SORD: variants seen among roughly 807,000 people sequenced by gnomAD.
SORD encodes (R,R)-butanediol dehydrogenase.
A neutral mutation model predicts 35.6 loss-of-function variants in SORD; 18 were observed. The observed-to-expected ratio is 0.51, with a 90% confidence interval of 0.35 to 0.75. SORD has a LOEUF of 0.75. Ranked by LOEUF, SORD falls within the 30% of genes least tolerant of loss-of-function variation. SORD has a pLI of 0.01. For synonymous variants in SORD, 106 were observed against 152.9 expected, an observed-to-expected ratio of 0.69 and a Z score of 2.26; for missense variants, 250 against 390.2, an observed-to-expected ratio of 0.64 and a Z score of 3.03.
Position 45,073,506 on chromosome 15 carries a change from T to C in SORD, c.1050T>C (p.Cys350=). 8 of 1,570,436 alleles carry C rather than the reference T, an allele frequency of 5.1e-6. No homozygotes were observed. The highest frequency in any genetic ancestry group is 1.5e-5 in the African/African-American group (1 of 66,304). Residue 350 remains cysteine (C), a synonymous_variant, in exon 9 of 9, where the codon TGT becomes TGC. Coordinates refer to ENST00000267814, the MANE Select transcript of SORD (RefSeq NM_003104.6). ...KGLGLKIMLK[C]DPSDQNP is the part of the protein sequence containing the mutation. ...TGGGGTTGAAAATCATGCTCAAGTG[T>C]GACCCCAGTGACCAGAATCCCTGAT...
chr15:45,069,082 T>G (rs577448359), intron 7 of SORD, 30 bp downstream of exon 7: 1 of 1,578,338 alleles, frequency 6.3e-7, no homozygotes, highest in Non-Finnish European at 8.6e-7. Context: ...CTTTGGGGAA[T>G]CAGCATAGGG....
In SORD at chr15:45,039,651, A is replaced by G. The variant is rs1234602752; in HGVS notation, c.67-757A>G. Among the ~76,000 whole-genome samples the G allele has an allele frequency of 2.0e-5, 3 of 152,242 alleles. No homozygotes were observed. The East Asian group carries it at 5.8e-4, about 29-fold the overall frequency. On this transcript the variant is annotated intron_variant, in intron 1 of 8. Coordinates refer to ENST00000267814, the MANE Select transcript of SORD (RefSeq NM_003104.6). The stretch of plus-strand genomic sequence containing the variant: ...GAACCTGTGAGAGGGGCCAAAATGC[A>G]GGTCTTATGTGTTCCCAAGGGGCCC...
chr15:45,042,876 C>G (rs34427295), intron 2 of SORD, among the ~76,000 whole-genome samples: 15,797 of 150,960 alleles, frequency 0.1, 905 homozygotes, highest in South Asian at 0.21. Flanking sequence ...AGAATTCCTT[C>G]TCCTTCAGAA....
At chr15:45,061,531 C>G (rs1199884838) in intron 4 of SORD, among the ~76,000 whole-genome samples, 1 of 152,092 alleles carries the variant, frequency 6.6e-6, no homozygotes, top group Non-Finnish European at 1.5e-5. Context: ...GTGGTTCATC[C>G]TCTGTTATTA....
rs1162175751 is a variant in SORD, at chr15:45,068,897, T to C, written c.631T>C (p.Ser211Pro). Residue 211 changes from serine to proline, a missense_variant, in exon 7 of 9, where the codon TCC becomes CCC. Around this residue, in one of 8 missense-constraint regions of SORD, gnomAD observed 7 missense variants for 27.4 expected, o/e 0.26. Coordinates refer to ENST00000267814, the MANE Select transcript of SORD (RefSeq NM_003104.6). ...VVTDLSATRL[S>P]KAKEIGADLV... ...TTCAGATCTGTCTGCTACCCGATTG[T>C]CCAAAGCCAAGGAGATTGGGGCTGA... 7 of 1,544,288 alleles carry C rather than the reference T, an allele frequency of 4.5e-6. No homozygotes were observed. The highest frequency in any genetic ancestry group is 6.1e-6 in the Non-Finnish European group (7 of 1,145,784).
intron 7 of SORD, among the ~76,000 whole-genome samples, chr15:45,069,643 G>T (rs1349102828): frequency 1.3e-5 from 2 of 152,114 alleles, no homozygotes; most frequent in Admixed American, 1.3e-4. Context: ...TTGGCTTCAT[G>T]ATCATATTTG....
chr15:45,053,386 T>C (rs1893159828), intron 3 of SORD, among the ~76,000 whole-genome samples: 1 of 152,212 alleles, frequency 6.6e-6, no homozygotes, highest in Admixed American at 6.5e-5. Context: ...GGAAGAGTCA[T>C]ACAAAGACAA....
At chr15:45,040,121 GACA>G (rs1892943146) in intron 1 of SORD, among the ~76,000 whole-genome samples, 1 of 151,842 alleles carries the variant, frequency 6.6e-6, no homozygotes, top group Non-Finnish European at 1.5e-5. Flanking sequence ...TGTCACTACT[GACA>G]ACAAGTGTGG....
intron 1 of SORD, 99 bp downstream of exon 1, chr15:45,023,448 C>T (rs1892621638): frequency 2.7e-6 from 3 of 1,111,226 alleles, no homozygotes; most frequent in South Asian, 4.5e-5. Flanking sequence ...TGGCGCCGGC[C>T]CCGCACCTTA....
intron 2 of SORD, among the ~76,000 whole-genome samples, chr15:45,041,983 A>G (rs756165315): frequency 8.5e-5 from 13 of 152,060 alleles, no homozygotes; most frequent in Non-Finnish European, 1.8e-4. Context: ...GCCATTTCTT[A>G]CTCTTCACTA....
At chr15:45,040,571 T>C in intron 2 of SORD, 130 bp downstream of exon 2, 1 of 735,802 alleles carries the variant, frequency 1.4e-6, no homozygotes, top group Non-Finnish European at 2.4e-6. Context: ...AAACCTATGC[T>C]TTTGTTAGGC....
intron 1 of SORD, among the ~76,000 whole-genome samples, chr15:45,024,238 G>C (rs1191130464): frequency 6.6e-6 from 1 of 152,174 alleles, no homozygotes; most frequent in Non-Finnish European, 1.5e-5. Flanking sequence ...CATCTCTGCT[G>C]CTCCCCTGTA....
intron 1 of SORD, among the ~76,000 whole-genome samples, chr15:45,028,831 C>G (rs1158682275): frequency 6.7e-6 from 1 of 148,342 alleles, no homozygotes; most frequent in African/African-American, 2.6e-5. Flanking sequence ...ATCTGTAATA[C>G]AGCACATTCA....
intron 3 of SORD, among the ~76,000 whole-genome samples, chr15:45,048,789 G>C (rs1219881762): frequency 6.6e-6 from 1 of 152,146 alleles, no homozygotes; most frequent in African/African-American, 2.4e-5. Context: ...GGGGGTGGAG[G>C]GAGGGGGCAG....
At chr15:45,031,288 A>G (rs926564481) in intron 1 of SORD, among the ~76,000 whole-genome samples, 1 of 152,216 alleles carries the variant, frequency 6.6e-6, no homozygotes, top group African/African-American at 2.4e-5. Flanking sequence ...AGCCTGGGCT[A>G]CAGAATGAGA....
chr15:45,054,556 G>C (rs1003158939), intron 3 of SORD, among the ~76,000 whole-genome samples: 3 of 152,206 alleles, frequency 2.0e-5, no homozygotes, highest in African/African-American at 7.2e-5. Context: ...CCCTTTGTCA[G>C]ACGAGTAGGT....
chr15:45,056,430 G>C (rs978532292), intron 3 of SORD, among the ~76,000 whole-genome samples: 4 of 152,118 alleles, frequency 2.6e-5, no homozygotes, highest in Admixed American at 1.3e-4. Context: ...AACTTACAAG[G>C]GACGTGAAGG....
chr15:45,027,183 G>GT (rs1259959736), intron 1 of SORD, among the ~76,000 whole-genome samples: 1 of 152,258 alleles, frequency 6.6e-6, no homozygotes, highest in African/African-American at 2.4e-5. Context: ...AATAGAGAAA[G>GT]TTTGAGAGTT....
intron 3 of SORD, 182 bp from the exon 4 acceptor site, chr15:45,060,885 G>A (rs531600782): frequency 3.6e-4 from 488 of 1,368,682 alleles, no homozygotes; most frequent in Non-Finnish European, 4.6e-4. Context: ...TGGGTCCCCA[G>A]GGAGGAGGGT....
Sources: allele counts gnomAD v4.1 joint callset (sites outside exome capture counted in the v4.1 genomes callset), GRCh38; gene constraint gnomAD v4.1.1; regional missense constraint gnomAD v4.1.1; transcripts MANE v1.5; gene names NCBI Gene and HGNC (gene_info 2026-07-23, HGNC 2026-07-21).